Variants in SLCO5A1 observed in about 807,000 individuals in gnomAD.
SLCO5A1 encodes solute carrier organic anion transporter family member 5A1.
In SLCO5A1, 39 loss-of-function variants were observed where a neutral mutation model predicts 65.1. That is an observed-to-expected ratio of 0.60 (90% CI 0.46 to 0.78). SLCO5A1 has a LOEUF of 0.78. Ranked by LOEUF, SLCO5A1 falls within the 30% of genes least tolerant of loss-of-function variation. SLCO5A1 has a pLI of 0.00. For missense variants in SLCO5A1, 1,029 were observed against 1,069.4 expected (o/e 0.96, Z 0.53); for synonymous variants, 438 against 415.7 (o/e 1.05, Z -0.65).
At chr8:69,755,352 G>A in intron 4 of SLCO5A1, 72 bp downstream of exon 4, 1 of 1,284,362 alleles carries the variant, frequency 7.8e-7, no homozygotes. Context: ...AGACAGCATG[G>A]GCCTGGGACC....
rs1821165225 is a variant in SLCO5A1, at chr8:69,831,865, G to A, written c.809C>T (p.Ala270Val). The change falls in exon 2 of 10, where the codon GCG (alanine) becomes GTG (valine). Residue 270 changes from alanine to valine, a missense_variant. Transcript: ENST00000260126. ...GGAGCCCATTCCAATGAGAATCTGC[G>A]CGCAAATGAATAAAGCCACGTAGAC... ...HWVYVALFIC[A>V]QILIGMGSTP... 6.2e-7 allele frequency: 1 copy of A among 1,613,758 alleles called. No individual in the cohort carries two copies. Among genetic ancestry groups the A allele is most frequent in the Non-Finnish European group, 8.5e-7 (1 of 1,179,936 alleles).
At chr8:69,713,804 G>A (rs1815387695) in intron 5 of SLCO5A1, 2 of 152,198 alleles carry the variant, frequency 1.3e-5, no homozygotes, top group Admixed American at 6.5e-5. Context: ...TCTAGAGCAA[G>A]GAAACTGACT....
At chr8:69,775,788 A>G (rs1308547746) in intron 2 of SLCO5A1, among the ~76,000 whole-genome samples, 1 of 152,072 alleles carries the variant, frequency 6.6e-6, no homozygotes, top group Non-Finnish European at 1.5e-5. Flanking sequence ...CCACGGCGGG[A>G]AGATCACTTG....
intron 5 of SLCO5A1, among the ~76,000 whole-genome samples, chr8:69,718,808 T>C (rs1192826591): frequency 2.0e-5 from 3 of 152,058 alleles, no homozygotes; most frequent in Admixed American, 6.6e-5. Context: ...CAATCTAACG[T>C]GGGAAACAGA....
rs146065041 is a variant in SLCO5A1, at chr8:69,726,514, T to TTTG, written c.1423+11525_1423+11526insCAA. Among the ~76,000 whole-genome samples, 285 of 137,348 alleles carry TTTG rather than the reference T, an allele frequency of 2.1e-3. 7 individuals are homozygous for TTTG. Among genetic ancestry groups the TTTG allele is most frequent in the Middle Eastern group, 8.0e-3 (2 of 250 alleles). 90.1% of individuals were successfully genotyped at this position (137,348 alleles called of 152,430 possible). A position where few individuals can be genotyped will look rare whatever the true frequency, so the allele number is the denominator to read the frequency against. Reference sequence around the variant, plus strand: ...CTACCTCCTTTTTTTTTTTTTTTTTTGGGGGGACAGAGTCTCACTCTGTTG... The same window carrying TTTG: ...CTACCTCCTTTTTTTTTTTTTTTTTTTTGGGGGGGACAGAGTCTCACTCTGTTG... On this transcript the variant is annotated intron_variant, in intron 5 of 9. Coordinates refer to ENST00000260126, the MANE Select transcript of SLCO5A1 (RefSeq NM_030958.3).
At chr8:69,732,994 T>C (rs1052470396) in intron 5 of SLCO5A1, among the ~76,000 whole-genome samples, 2 of 151,860 alleles carry the variant, frequency 1.3e-5, no homozygotes, top group African/African-American at 2.4e-5. Flanking sequence ...ACTTAAACCC[T>C]TCTGGCCCTT....
chr8:69,704,913 C>A, intron 6 of SLCO5A1, 118 bp downstream of exon 6: 1 of 924,060 alleles, frequency 1.1e-6, no homozygotes, highest in Non-Finnish European at 1.7e-6. Flanking sequence ...GCACACAGAG[C>A]ACACACAGGG....
intron 5 of SLCO5A1, among the ~76,000 whole-genome samples, chr8:69,716,520 G>C (rs975600673): frequency 6.6e-5 from 10 of 152,198 alleles, no homozygotes; most frequent in Non-Finnish European, 1.2e-4. Flanking sequence ...AGCCATCTGA[G>C]TGTGAGGTGG....
chr8:69,748,797 A>C (rs1405119506), intron 4 of SLCO5A1, among the ~76,000 whole-genome samples: 2 of 152,202 alleles, frequency 1.3e-5, no homozygotes, highest in African/African-American at 4.8e-5. Context: ...AAAAATGCTC[A>C]TTCTCAGGCC....
chr8:69,761,592 T>C (rs893900926), intron 3 of SLCO5A1, 151 bp downstream of exon 3: 4 of 723,206 alleles, frequency 5.5e-6, no homozygotes, highest in Admixed American at 5.8e-5. Flanking sequence ...TAGCTTTCTT[T>C]GGGATGTTAT....
At chr8:69,822,341 A>G (rs548330555) in intron 2 of SLCO5A1, among the ~76,000 whole-genome samples, 2 of 152,246 alleles carry the variant, frequency 1.3e-5, no homozygotes, top group East Asian at 3.9e-4. Context: ...CATTACTTAA[A>G]TGTTCATACA....
Position 69,767,544 on chromosome 8 carries a change from G to T in SLCO5A1, c.908-5669C>A, listed in dbSNP as rs567632647. 1.2e-4 allele frequency among the ~76,000 whole-genome samples: 18 copies of T among 152,276 alleles called. No individual in the cohort carries two copies. In the South Asian group the frequency reaches 3.7e-3, roughly 32 times the overall value. On this transcript the variant is annotated intron_variant, in intron 2 of 9. Transcript: ENST00000260126. ...CTCACAGGTTATCATAGGCATGAAA[G>T]GAGTTAATACCTGTAAAGCATGTGG...
chr8:69,828,572 A>G (rs1241761073), intron 2 of SLCO5A1, among the ~76,000 whole-genome samples: 3 of 151,990 alleles, frequency 2.0e-5, no homozygotes, highest in African/African-American at 4.8e-5. Context: ...ACTGCACTCC[A>G]GCCTGGGCGA....
At chr8:69,697,611 T>C (rs867703389) in intron 6 of SLCO5A1, among the ~76,000 whole-genome samples, 1 of 152,036 alleles carries the variant, frequency 6.6e-6, no homozygotes, top group Admixed American at 6.6e-5. Context: ...TCTGAGAAGG[T>C]GGCATTAGGA....
intron 2 of SLCO5A1, among the ~76,000 whole-genome samples, chr8:69,803,110 T>C (rs931051201): frequency 1.3e-5 from 2 of 152,016 alleles, no homozygotes; most frequent in Admixed American, 6.5e-5. Flanking sequence ...TGAAATCCCG[T>C]CTCTACTAAA....
intron 4 of SLCO5A1, among the ~76,000 whole-genome samples, chr8:69,738,794 C>T (rs1481794933): frequency 6.6e-6 from 1 of 152,136 alleles, no homozygotes; most frequent in Non-Finnish European, 1.5e-5. Flanking sequence ...ACAAAGATCT[C>T]CAAAGAGGAA....
chr8:69,822,640 A>G (rs926642042), intron 2 of SLCO5A1, among the ~76,000 whole-genome samples: 7 of 152,204 alleles, frequency 4.6e-5, no homozygotes, highest in African/African-American at 1.4e-4. Flanking sequence ...ATAAGTTTGA[A>G]TTCTACTTTG....
intron 2 of SLCO5A1, among the ~76,000 whole-genome samples, chr8:69,800,245 ATT>A (rs749384852): frequency 0.07 from 5,653 of 81,072 alleles, 84 homozygotes; most frequent in Non-Finnish European, 0.086. Flanking sequence ...AGACGCTTGA[ATT>A]TTTTTTTTTT....
At position 69,682,251 on chromosome 8, in the gene SLCO5A1, G is replaced by A. The variant is rs1363046519; in HGVS notation, c.1715C>T (p.Ser572Leu). The part of the protein sequence containing the change: ...KIHEYEPVCG[S>L]DGITYFNPCL... ...AGGGTTAAAGTATGTAATTCCATCT[G>A]ATCCACAGACTGGCTCATACTCGTG... The change falls in exon 7 of 10, where the codon TCA becomes TTA. Residue 572 changes from serine (S) to leucine (L), a missense_variant. Ser to Leu is a moderately radical substitution (Grantham distance 145). This residue lies in a region of SLCO5A1 where 124 missense variants were observed against 184.5 expected (regional missense o/e 0.67). Transcript: ENST00000260126. The A allele has an allele frequency of 6.2e-7, 1 of 1,612,924 alleles. No individual in the cohort carries two copies. Among genetic ancestry groups the A allele is most frequent in the Non-Finnish European group, 8.5e-7 (1 of 1,179,570 alleles).
Sources: allele counts gnomAD v4.1 joint callset (sites outside exome capture counted in the v4.1 genomes callset), GRCh38; gene constraint gnomAD v4.1.1; regional missense constraint gnomAD v4.1.1; transcripts MANE v1.5; gene names NCBI Gene and HGNC (gene_info 2026-07-23, HGNC 2026-07-21).